The following SLC16A7 variants were observed in gnomAD, a reference collection of about 807,000 sequenced individuals.
SLC16A7 encodes the protein monocarboxylate transporter 2.
SLC16A7 carries 33 observed loss-of-function variants against 34.9 expected under a neutral mutation model. That is an observed-to-expected ratio of 0.94 (90% CI 0.72 to 1.26). SLC16A7 has a LOEUF of 1.26. Ranked by LOEUF, SLC16A7 falls within the 50% of genes most tolerant of loss-of-function variation. The pLI, the probability that SLC16A7 is intolerant of heterozygous loss-of-function variation, is 0.00. For missense variants in SLC16A7, 573 were observed against 578.1 expected, an observed-to-expected ratio of 0.99 and a Z score of 0.09; for synonymous variants, 201 against 206.6, an observed-to-expected ratio of 0.97 and a Z score of 0.23.
chr12:59,676,347 A>G (rs1360352372), intron 2 of SLC16A7, among the ~76,000 whole-genome samples: 1 of 152,098 alleles, frequency 6.6e-6, no homozygotes, highest in Non-Finnish European at 1.5e-5. Context: ...TTTAAATTGA[A>G]CTTTTATTTT....
chr12:59,775,425 T>G lies in SLC16A7; in HGVS notation c.1130T>G (p.Leu377Arg), dbSNP rs1477609581. 6.2e-7 allele frequency: 1 copy of G among 1,614,088 alleles called. No homozygotes were observed. Among genetic ancestry groups the G allele is most frequent in the Admixed American group, 1.7e-5 (1 of 60,008 alleles). The change falls in exon 5 of 6, where the codon CTT becomes CGT. Residue 377 changes from leucine to arginine, a missense_variant. Leu to Arg is a moderately radical substitution (Grantham distance 102). Coordinates refer to ENST00000547379, the MANE Select transcript of SLC16A7 (RefSeq NM_001270623.2). ...GAPRFSSAVG[L>R]VTIVECGPVL... The stretch of plus-strand genomic sequence containing the variant: ...CCAAGATTTTCCAGTGCCGTCGGAC[T>G]TGTCACAATTGTGGAGTGTGGCCCA...
chr12:59,774,001 C>T (rs144838061), intron 4 of SLC16A7, among the ~76,000 whole-genome samples: 16 of 152,298 alleles, frequency 1.1e-4, no homozygotes, highest in Non-Finnish European at 2.1e-4. Context: ...GACTTTGGCT[C>T]ATATAAACAA....
chr12:59,614,351 C>CATGCACTGT (rs1216088037), intron 1 of SLC16A7, among the ~76,000 whole-genome samples: 2 of 152,042 alleles, frequency 1.3e-5, no homozygotes, highest in Non-Finnish European at 2.9e-5. Flanking sequence ...AACATTTTTA[C>CATGCACTGT]ATGCACTGTA....
intron 2 of SLC16A7, among the ~76,000 whole-genome samples, chr12:59,676,771 A>G (rs773218887): frequency 6.6e-6 from 1 of 152,182 alleles, no homozygotes. Context: ...CTAAGTAGGT[A>G]AAGGGACATA....
intron 1 of SLC16A7, among the ~76,000 whole-genome samples, chr12:59,627,221 T>A (rs1372575994): frequency 3.3e-5 from 5 of 151,852 alleles, no homozygotes; most frequent in Non-Finnish European, 7.4e-5. Flanking sequence ...AAGCCAGAAA[T>A]AATTTCCTGT....
At chr12:59,649,673 A>G (rs1868307213) in intron 1 of SLC16A7, among the ~76,000 whole-genome samples, 1 of 152,178 alleles carries the variant, frequency 6.6e-6, no homozygotes, top group African/African-American at 2.4e-5. Flanking sequence ...TCTAGGCCAG[A>G]CAAGGTGGCT....
chr12:59,750,262 A>G (rs1879363173), intron 3 of SLC16A7, among the ~76,000 whole-genome samples: 1 of 152,222 alleles, frequency 6.6e-6, no homozygotes, highest in Non-Finnish European at 1.5e-5. Context: ...AGAAACTATC[A>G]TCAGAGTGAA....
chr12:59,720,518 AT>A (rs1875452156), intron 3 of SLC16A7, among the ~76,000 whole-genome samples: 1 of 152,012 alleles, frequency 6.6e-6, no homozygotes, highest in South Asian at 2.1e-4. Flanking sequence ...AATTTTAGTG[AT>A]TTTTCTACAA....
At chr12:59,737,500 T>A (rs1374212120) in intron 3 of SLC16A7, among the ~76,000 whole-genome samples, 1 of 152,208 alleles carries the variant, frequency 6.6e-6, no homozygotes, top group African/African-American at 2.4e-5. Context: ...TTAAACTATG[T>A]CCTCTTAGGC....
chr12:59,759,300 T>C lies in SLC16A7; in HGVS notation c.218-11919T>C, dbSNP rs549323227. On this transcript the variant is annotated intron_variant, in intron 3 of 5. Transcript: ENST00000547379. Reference sequence around the variant, plus strand: ...TATCTGTCTGTTAAAGTCTGTTCTTTATATACCATTGGAAACATTCGAGGG... The same window carrying C: ...TATCTGTCTGTTAAAGTCTGTTCTTCATATACCATTGGAAACATTCGAGGG... Among the ~76,000 whole-genome samples the C allele has an allele frequency of 2.6e-5, 4 of 152,088 alleles. No homozygotes were observed. The South Asian group carries it at 8.3e-4, about 31-fold the overall frequency.
At chr12:59,604,172 A>T (rs1289626895) in intron 1 of SLC16A7, among the ~76,000 whole-genome samples, 1 of 152,240 alleles carries the variant, frequency 6.6e-6, no homozygotes, top group Non-Finnish European at 1.5e-5. Context: ...AAGGATAACA[A>T]TGGTTTTGAA....
At chr12:59,645,151 A>G (rs1412253527) in intron 1 of SLC16A7, among the ~76,000 whole-genome samples, 2 of 152,196 alleles carry the variant, frequency 1.3e-5, no homozygotes, top group East Asian at 1.9e-4. Flanking sequence ...GCTCAACAGA[A>G]AGGTGACTAA....
intron 2 of SLC16A7, among the ~76,000 whole-genome samples, chr12:59,657,434 G>C (rs17122791): frequency 0.068 from 10,356 of 151,980 alleles, 417 homozygotes; most frequent in Middle Eastern, 0.12. Context: ...ACTTAAGCAT[G>C]TGAATATCTT....
intron 2 of SLC16A7, among the ~76,000 whole-genome samples, chr12:59,696,930 T>C (rs1302354297): frequency 6.6e-6 from 1 of 151,786 alleles, no homozygotes; most frequent in Non-Finnish European, 1.5e-5. Flanking sequence ...AAACAGAAAG[T>C]AAAATTTCAT....
intron 1 of SLC16A7, among the ~76,000 whole-genome samples, chr12:59,630,361 C>T (rs938195696): frequency 2.0e-5 from 3 of 151,816 alleles, no homozygotes; most frequent in Non-Finnish European, 4.4e-5. Context: ...TAGTTAGACA[C>T]AGTTGGAAGA....
intron 3 of SLC16A7, among the ~76,000 whole-genome samples, chr12:59,750,017 G>T (rs35889150): frequency 0.076 from 11,609 of 152,170 alleles, 536 homozygotes; most frequent in South Asian, 0.17. Flanking sequence ...GCCATATACA[G>T]AAAACTGAAA....
intron 1 of SLC16A7, among the ~76,000 whole-genome samples, chr12:59,640,697 G>A (rs1345498147): frequency 6.6e-6 from 1 of 151,750 alleles, no homozygotes; most frequent in African/African-American, 2.4e-5. Context: ...CAGATACAAT[G>A]AAAGTTTTTC....
chr12:59,614,405 G>T (rs1213650714), intron 1 of SLC16A7, among the ~76,000 whole-genome samples: 1 of 152,152 alleles, frequency 6.6e-6, no homozygotes, highest in Non-Finnish European at 1.5e-5. Context: ...AATCATTAAT[G>T]ATTCAAACGA....
At chr12:59,735,861 C>T (rs1877528686) in intron 3 of SLC16A7, 1 of 733,972 alleles carries the variant, frequency 1.4e-6, no homozygotes, top group Non-Finnish European at 1.8e-6. Flanking sequence ...TAAAAACATA[C>T]CAACATTAGA....
Sources: allele counts gnomAD v4.1 joint callset (sites outside exome capture counted in the v4.1 genomes callset), GRCh38; gene constraint gnomAD v4.1.1; transcripts MANE v1.5; gene names NCBI Gene and HGNC (gene_info 2026-07-23, HGNC 2026-07-21).